Variants in CHRNA6 observed in about 807,000 individuals in gnomAD.
The protein encoded by CHRNA6 is neuronal acetylcholine receptor subunit alpha-6.
CHRNA6 carries 31 observed loss-of-function variants against 40.9 expected under a neutral mutation model. That is an observed-to-expected ratio of 0.76 (90% CI 0.57 to 1.02). The LOEUF is 1.02. CHRNA6 is among the 50% of genes least tolerant of loss of function. CHRNA6 has a pLI of 0.00. For synonymous variants in CHRNA6, 222 were observed against 221.3 expected (o/e 1.00, Z -0.03); for missense variants, 546 against 596.6 (o/e 0.92, Z 0.88).
At chr8:42,758,725 A>C (rs1816849320) in intron 3 of CHRNA6, among the ~76,000 whole-genome samples, 1 of 152,156 alleles carries the variant, frequency 6.6e-6, no homozygotes, top group South Asian at 2.1e-4. Context: ...TCTCATGTAC[A>C]TGCTCCCAAG....
Position 42,756,981 on chromosome 8 carries a change from A to C in CHRNA6, c.321T>G (p.Thr107=). ...WDPMEYDGIE[T]LRVPADKIWK... is the part of the protein sequence containing the mutation. ...AAATCTTATCTGCAGGAACGCGAAG[A>C]GTCTCAATGCCATCATATTCCATTG... is the stretch of plus-strand genomic sequence containing the variant. Residue 107 remains threonine (T), a synonymous_variant, in exon 4 of 6, where the codon ACT becomes ACG. Coordinates refer to ENST00000276410, the MANE Select transcript of CHRNA6 (RefSeq NM_004198.3). 1 of 1,614,060 alleles carries C rather than the reference A, an allele frequency of 6.2e-7. No homozygotes were observed.
At chr8:42,759,221 A>C (rs1816858525) in intron 2 of CHRNA6, 108 bp from the exon 3 acceptor site, 1 of 814,596 alleles carries the variant, frequency 1.2e-6, no homozygotes, top group East Asian at 2.5e-5. Flanking sequence ...ATTCATGCCA[A>C]TAGAAGAAGA....
Position 42,755,995 on chromosome 8 carries a change from T to C in CHRNA6, c.1204A>G (p.Asn402Asp). Residue 402 changes from asparagine (N) to aspartate (D), a missense_variant, in exon 5 of 6, where the codon AAT (asparagine) becomes GAT (aspartate). Asn to Asp is a conservative substitution (Grantham distance 23). Coordinates refer to ENST00000276410, the MANE Select transcript of CHRNA6 (RefSeq NM_004198.3). ...LKECFHCHKSNELATSKRRLS... is the reference protein window; with the variant it reads ...LKECFHCHKSDELATSKRRLS... ...CTTCTCTTGCTTGTGGCAAGCTCATTTGATTTGTGACAATGGAAGCATTCT... is the reference window on the plus strand; with the variant it reads ...CTTCTCTTGCTTGTGGCAAGCTCATCTGATTTGTGACAATGGAAGCATTCT... 1 of 1,614,222 alleles carries C rather than the reference T, an allele frequency of 6.2e-7. No individual in the cohort carries two copies. The highest frequency in any genetic ancestry group is 8.5e-7 in the Non-Finnish European group (1 of 1,180,038).
intron 2 of CHRNA6, among the ~76,000 whole-genome samples, chr8:42,762,513 G>A (rs1434690042): frequency 2.0e-5 from 3 of 152,198 alleles, no homozygotes; most frequent in African/African-American, 7.2e-5. Context: ...GCCGGGCATA[G>A]TGGCACATGC....
intron 2 of CHRNA6, among the ~76,000 whole-genome samples, chr8:42,763,624 G>C (rs557096777): frequency 6.6e-6 from 1 of 152,262 alleles, no homozygotes; most frequent in Admixed American, 6.5e-5. Flanking sequence ...CCAGTCCACA[G>C]CAAGAACTTC....
At chr8:42,759,446 A>G in intron 2 of CHRNA6, 1 of 253,704 alleles carries the variant, frequency 3.9e-6, no homozygotes, top group Non-Finnish European at 7.9e-6. Flanking sequence ...GAGCGACAGC[A>G]GGTAGGAGGG....
chr8:42,765,556 C>A (rs568386252), intron 1 of CHRNA6, among the ~76,000 whole-genome samples: 12 of 152,350 alleles, frequency 7.9e-5, no homozygotes, highest in African/African-American at 2.6e-4. Flanking sequence ...TGAAGTAACT[C>A]GCAGTCTTAC....
chr8:42,758,885 CTAAG>C (rs771249340), intron 3 of CHRNA6, among the ~76,000 whole-genome samples, 180 bp downstream of exon 3: 4 of 152,162 alleles, frequency 2.6e-5, no homozygotes, highest in African/African-American at 4.8e-5. Context: ...ACCTTTGTCA[CTAAG>C]TGTCTGCACC....
intron 1 of CHRNA6, 108 bp from the exon 2 acceptor site, chr8:42,765,312 A>G: frequency 2.5e-6 from 3 of 1,210,126 alleles, no homozygotes; most frequent in Non-Finnish European, 3.5e-6. Flanking sequence ...GTCCCAGCCC[A>G]TGACTGCATC....
chr8:42,756,181 A>G lies in CHRNA6; in HGVS notation c.1018T>C (p.Trp340Arg), dbSNP rs1181169424. Residue 340 changes from tryptophan to arginine, a missense_variant, in exon 5 of 6, where the codon TGG becomes CGG. Physicochemically the swap from Trp to Arg is moderately radical, Grantham distance 101. Around this residue, in one of 3 missense-constraint regions of CHRNA6, gnomAD observed 476 missense variants for 494.5 expected, o/e 0.96. Transcript: ENST00000276410. ...RTPTTHTMPRWVKTVFLKLLP... is the reference protein window; with the variant it reads ...RTPTTHTMPRRVKTVFLKLLP... The stretch of plus-strand genomic sequence containing the variant: ...AGCTTCAGGAAAACTGTCTTCACCC[A>G]CCTGGGCATTGTGTGCGTGGTTGGG... 6.2e-7 allele frequency: 1 copy of G among 1,614,084 alleles called. No individual in the cohort carries two copies. Among genetic ancestry groups the G allele is most frequent in the Non-Finnish European group, 8.5e-7 (1 of 1,180,038 alleles).
At chr8:42,768,070 G>C (rs1816997330) in intron 1 of CHRNA6, among the ~76,000 whole-genome samples, 1 of 152,050 alleles carries the variant, frequency 6.6e-6, no homozygotes, top group Non-Finnish European at 1.5e-5. Flanking sequence ...ACAGCCACAG[G>C]GGAGATGAAT....
chr8:42,767,865 G>A (rs113313464), intron 1 of CHRNA6, among the ~76,000 whole-genome samples: 16 of 152,224 alleles, frequency 1.1e-4, no homozygotes, highest in Admixed American at 2.0e-4. Context: ...GCAGTGGTCC[G>A]TTTCTAAGTT....
At chr8:42,755,512 G>A (rs1375764768) in intron 5 of CHRNA6, among the ~76,000 whole-genome samples, 1 of 152,168 alleles carries the variant, frequency 6.6e-6, no homozygotes, top group Non-Finnish European at 1.5e-5. Context: ...CCTGACTTCA[G>A]GTGATCCGCC....
intron 2 of CHRNA6, among the ~76,000 whole-genome samples, chr8:42,761,446 G>C (rs1465554449): frequency 1.3e-5 from 2 of 152,242 alleles, no homozygotes; most frequent in Admixed American, 6.5e-5. Flanking sequence ...AGGCCTTGGG[G>C]GTGAGGGCAT....
Position 42,752,913 on chromosome 8 carries a change from G to T in CHRNA6, c.*266C>A, listed in dbSNP as rs534528866. 3.4e-6 allele frequency: 1 copy of T among 293,412 alleles called. No homozygotes were observed. The highest frequency in any genetic ancestry group is 6.3e-6 in the Non-Finnish European group (1 of 159,484). 18.2% of individuals were successfully genotyped at this position (293,412 alleles called of 1,614,324 possible). ...CTTGTCTTTAGAAGCCAAACACACA[G>T]ACACGAGAAACCTGACCTGATACTG... On this transcript the variant is annotated 3_prime_UTR_variant, in exon 6 of 6. Coordinates refer to ENST00000276410, the MANE Select transcript of CHRNA6 (RefSeq NM_004198.3).
intron 5 of CHRNA6, among the ~76,000 whole-genome samples, chr8:42,754,243 G>A (rs1201920403): frequency 6.6e-6 from 1 of 152,132 alleles, no homozygotes. Context: ...GCAGTGGTGC[G>A]ATTGTGGCTC....
chr8:42,762,743 C>T (rs1816920913), intron 2 of CHRNA6, among the ~76,000 whole-genome samples: 1 of 152,116 alleles, frequency 6.6e-6, no homozygotes, highest in South Asian at 2.1e-4. Flanking sequence ...CTCAGTGACT[C>T]GGAGGAATCT....
intron 2 of CHRNA6, among the ~76,000 whole-genome samples, chr8:42,764,360 C>A (rs928925749): frequency 6.7e-6 from 1 of 150,156 alleles, no homozygotes; most frequent in Non-Finnish European, 1.5e-5. Context: ...TTTTTTTTTC[C>A]TCTGTCACCC....
intron 1 of CHRNA6, among the ~76,000 whole-genome samples, chr8:42,767,102 G>C (rs2128912832): frequency 6.6e-6 from 1 of 152,208 alleles, no homozygotes; most frequent in South Asian, 2.1e-4. Context: ...CTAGTAGCTG[G>C]GACTACAGGT....
Sources: gnomAD v4.1 joint callset for allele counts (sites outside exome capture counted in the v4.1 genomes callset) on GRCh38, gnomAD v4.1.1 for gene constraint, gnomAD v4.1.1 regional missense constraint, MANE v1.5 for transcripts, NCBI Gene and HGNC (gene_info 2026-07-23, HGNC 2026-07-21) for gene names.